SLC1A4: variants seen among roughly 807,000 people sequenced by gnomAD.
SLC1A4 encodes neutral amino acid transporter A.
In SLC1A4, 19 loss-of-function variants were observed where a neutral mutation model predicts 37.7. The observed-to-expected ratio is 0.50, with a 90% CI of 0.35 to 0.74. The LOEUF (loss-of-function observed/expected upper bound fraction) is 0.74, where lower values mean the gene tolerates loss of function less well. Among genes scored for constraint, SLC1A4 ranks in the 30% least tolerant of loss-of-function variants. SLC1A4 has a pLI of 0.01. For synonymous variants in SLC1A4, 299 were observed against 309.8 expected (o/e 0.97, Z 0.37); for missense variants, 570 against 712.9 (o/e 0.80, Z 2.28).
chr2:65,002,858 G>C (rs938128956), intron 2 of SLC1A4, among the ~76,000 whole-genome samples: 2 of 152,152 alleles, frequency 1.3e-5, no homozygotes, highest in African/African-American at 4.8e-5. Flanking sequence ...TTACAGGCGT[G>C]AGCCACTGTG....
At chr2:64,990,280 G>A (rs1673005221) in intron 1 of SLC1A4, 110 bp downstream of exon 1, 2 of 1,067,608 alleles carry the variant, frequency 1.9e-6, no homozygotes, top group Non-Finnish European at 1.3e-6. Flanking sequence ...TTCTTAGCTG[G>A]CTGCTGGTGG....
At chr2:65,015,027 C>G (rs1429426172) in intron 4 of SLC1A4, among the ~76,000 whole-genome samples, 2 of 152,218 alleles carry the variant, frequency 1.3e-5, no homozygotes, top group African/African-American at 4.8e-5. Flanking sequence ...CTAGCTCATG[C>G]TCCAATGTGG....
intron 4 of SLC1A4, among the ~76,000 whole-genome samples, chr2:65,014,542 C>T (rs1412521822): frequency 6.6e-6 from 1 of 152,178 alleles, no homozygotes; most frequent in East Asian, 1.9e-4. Flanking sequence ...CATGATGCCA[C>T]TAGCACCATG....
intron 2 of SLC1A4, among the ~76,000 whole-genome samples, chr2:65,002,285 A>AAAT (rs1218844288): frequency 6.6e-6 from 1 of 150,900 alleles, no homozygotes; most frequent in Non-Finnish European, 1.5e-5. Flanking sequence ...ATCTCAAAAT[A>AAAT]AATAAATAAA....
At chr2:65,013,984 T>C (rs978598117) in intron 4 of SLC1A4, among the ~76,000 whole-genome samples, 13 of 152,108 alleles carry the variant, frequency 8.5e-5, no homozygotes, top group African/African-American at 1.4e-4. Context: ...TTACAAAAAC[T>C]CACGCTGCTA....
chr2:65,020,895 TC>T lies in SLC1A4; in HGVS notation c.1365-16del. The T allele has an allele frequency of 6.2e-7, 1 of 1,608,532 alleles. No individual in the cohort carries two copies. Among genetic ancestry groups the T allele is most frequent in the Non-Finnish European group, 8.5e-7 (1 of 1,174,882 alleles). The stretch of plus-strand genomic sequence containing the variant: ...CCCAGCAGTAGATATAATAGCTGCC[TC>T]TTCTTTTCCCACCAGGGACCGGACC... On this transcript the variant is annotated splice_polypyrimidine_tract_variant and intron_variant, in intron 7 of 7. Transcript: ENST00000234256.
intron 1 of SLC1A4, chr2:64,994,638 G>A (rs1300348101): frequency 6.6e-6 from 1 of 151,916 alleles, no homozygotes; most frequent in East Asian, 1.9e-4. Flanking sequence ...CCTTCTCAAG[G>A]ACTGGTGTGA....
chr2:65,016,614 A>G lies in SLC1A4; in HGVS notation c.975A>G (p.Pro325=), dbSNP rs1572968822. 4 of 1,614,160 alleles carry G rather than the reference A, an allele frequency of 2.5e-6. No individual in the cohort carries two copies. In the East Asian group the frequency reaches 8.9e-5, roughly 36 times the overall value. ...LIYFVFTRKN[P]FRFLLGLLAP... ...ATTTTGTTTTCACACGAAAAAACCCATTCAGATTCCTCCTGGGCCTCCTCG... is the reference window on the plus strand; with the variant it reads ...ATTTTGTTTTCACACGAAAAAACCCGTTCAGATTCCTCCTGGGCCTCCTCG... Residue 325 remains proline, a synonymous_variant, in exon 5 of 8, where the codon CCA becomes CCG. Coordinates refer to ENST00000234256, the MANE Select transcript of SLC1A4 (RefSeq NM_003038.5).
Position 65,018,504 on chromosome 2 carries a change from C to T in SLC1A4, c.1230-41C>T, listed in dbSNP as rs370242875. 59 of 1,608,630 alleles carry T rather than the reference C, an allele frequency of 3.7e-5. No homozygotes were observed. The highest frequency in any genetic ancestry group is 1.0e-4 in the Admixed American group (6 of 59,274). On this transcript the variant is annotated intron_variant, in intron 6 of 7. Coordinates refer to ENST00000234256, the MANE Select transcript of SLC1A4 (RefSeq NM_003038.5). This position sits in a 1 kb window ranked among gnomAD's most constrained non-coding sequence, Gnocchi z 4.3. The stretch of plus-strand genomic sequence containing the variant: ...TCTGCATTTCTCTGTGTCCACTCCA[C>T]GCTCTATGTTAATGGCTGGCCCTGC...
chr2:64,998,082 A>G (rs1673329879), intron 1 of SLC1A4, among the ~76,000 whole-genome samples: 1 of 151,980 alleles, frequency 6.6e-6, no homozygotes, highest in African/African-American at 2.4e-5. Context: ...AAATACAAAA[A>G]CAAAATTAGC....
At chr2:65,001,359 A>G (rs1673451861) in intron 1 of SLC1A4, 89 bp from the exon 2 acceptor site, 1 of 1,169,544 alleles carries the variant, frequency 8.6e-7, no homozygotes, top group Admixed American at 1.7e-5. Flanking sequence ...CTGCAATCAC[A>G]CCACTGCACT....
Position 65,018,153 on chromosome 2 carries a change from A to G in SLC1A4, c.1117A>G (p.Ile373Val), listed in dbSNP as rs774483369. 2.5e-6 allele frequency: 4 copies of G among 1,614,170 alleles called. No individual in the cohort carries two copies. The highest frequency in any genetic ancestry group is 3.4e-6 in the Non-Finnish European group (4 of 1,180,012). Reference sequence around the variant, plus strand: ...GAGGATCAGCAGGTTTATTCTCCCCATCGGGGCCACCGTGAACATGGACGG... The same window carrying G: ...GAGGATCAGCAGGTTTATTCTCCCCGTCGGGGCCACCGTGAACATGGACGG... The part of the protein sequence containing the change: ...DKRISRFILP[I>V]GATVNMDGAA... The change falls in exon 6 of 8, where the codon ATC becomes GTC. Residue 373 changes from isoleucine to valine, a missense_variant. Transcript: ENST00000234256. This position sits in a 1 kb window ranked among gnomAD's most constrained non-coding sequence, Gnocchi z 4.3.
In SLC1A4 at chr2:65,021,201, A is replaced by G; in HGVS notation, c.*55A>G. ...CAGTGATGTCCCACCCTGTTCACCC[A>G]GCCGCCAGTCATGGACACAGGGCAC... On this transcript the variant is annotated 3_prime_UTR_variant, in exon 8 of 8. Transcript: ENST00000234256. 6.9e-7 allele frequency: 1 copy of G among 1,440,218 alleles called. No individual in the cohort carries two copies. The allele number at this position is 1,440,218 out of a possible 1,614,324, so 89.2% of individuals were successfully genotyped here.
At chr2:64,995,608 G>T (rs1416502185) in intron 1 of SLC1A4, among the ~76,000 whole-genome samples, 1 of 152,038 alleles carries the variant, frequency 6.6e-6, no homozygotes, top group East Asian at 1.9e-4. Flanking sequence ...AGCCTTGTAG[G>T]GGGTACCAAG....
At chr2:65,003,528 T>A (rs557225962) in intron 2 of SLC1A4, among the ~76,000 whole-genome samples, 2 of 152,158 alleles carry the variant, frequency 1.3e-5, no homozygotes, top group African/African-American at 4.8e-5. Flanking sequence ...TAGAACAAAG[T>A]GGGGCATAAA....
chr2:65,018,248 A>G lies in SLC1A4; in HGVS notation c.1212A>G (p.Gly404=). Reference sequence around the variant, plus strand: ...TCAACAACGTAGAGCTCAACGCAGGACAGATTTTCACCATTCTGTAAGTTC... The same window carrying G: ...TCAACAACGTAGAGCTCAACGCAGGGCAGATTTTCACCATTCTGTAAGTTC... The part of the protein sequence containing the change: ...AQLNNVELNA[G]QIFTILVTAT... Residue 404 remains glycine (G), a synonymous_variant, in exon 6 of 8, where the codon GGA becomes GGG. Transcript: ENST00000234256. The surrounding 1 kb of genome is among the most constrained non-coding windows in gnomAD (Gnocchi z 4.3). 1 of 1,613,746 alleles carries G rather than the reference A, an allele frequency of 6.2e-7. No individual in the cohort carries two copies. The highest frequency in any genetic ancestry group is 8.5e-7 in the Non-Finnish European group (1 of 1,179,720).
intron 1 of SLC1A4, among the ~76,000 whole-genome samples, chr2:64,993,161 C>A (rs1333809334): frequency 6.6e-6 from 1 of 152,204 alleles, no homozygotes; most frequent in Non-Finnish European, 1.5e-5. Flanking sequence ...CTGCTCAGAA[C>A]TTAAACACCT....
At chr2:64,995,925 G>A (rs189218805) in intron 1 of SLC1A4, among the ~76,000 whole-genome samples, 1 of 152,310 alleles carries the variant, frequency 6.6e-6, no homozygotes, top group East Asian at 1.9e-4. Context: ...GTTTTTCACT[G>A]TGTGAGCTGC....
rs773444647 is a variant in SLC1A4 at position 64,989,842 on chromosome 2, C to T, written c.199C>T (p.Leu67=). 2.6e-6 allele frequency: 4 copies of T among 1,538,344 alleles called. No homozygotes were observed. Among genetic ancestry groups the T allele is most frequent in the Non-Finnish European group, 3.5e-6 (4 of 1,146,502 alleles). ...GLGAALRGLS[L]SRTQVTYLAF... ...GGGCGCGGCGTTGCGCGGGCTCAGC[C>T]TGAGCCGCACGCAGGTCACCTACCT... Residue 67 remains leucine (L), a synonymous_variant, in exon 1 of 8, where the codon CTG becomes TTG. Transcript: ENST00000234256.
Sources: gnomAD v4.1 joint callset for allele counts (sites outside exome capture counted in the v4.1 genomes callset) on GRCh38, gnomAD v4.1.1 for gene constraint, Gnocchi (gnomAD v3.1) non-coding constraint, MANE v1.5 for transcripts, NCBI Gene and HGNC (gene_info 2026-07-23, HGNC 2026-07-21) for gene names.